C1QTNF6: variants seen among roughly 807,000 people sequenced by gnomAD.
C1QTNF6 encodes C1q and TNF related 6.
C1QTNF6 carries 17 observed loss-of-function variants against 20.7 expected under a neutral mutation model. The ratio of observed to expected loss-of-function variants is 0.82; its 90% confidence interval spans 0.56 to 1.23. The LOEUF (loss-of-function observed/expected upper bound fraction) is 1.23, where lower values mean the gene tolerates loss of function less well. Ranked by LOEUF, C1QTNF6 falls within the 50% of genes most tolerant of loss-of-function variation. C1QTNF6 has a pLI of 0.00. For synonymous variants in C1QTNF6, 130 were observed against 156.3 expected (o/e 0.83, Z 1.25); for missense variants, 329 against 389.7 (o/e 0.84, Z 1.31).
intron 1 of C1QTNF6, among the ~76,000 whole-genome samples, chr22:37,187,034 A>G (rs1924412318): frequency 1.3e-5 from 2 of 152,162 alleles, no homozygotes; most frequent in Non-Finnish European, 2.9e-5. Flanking sequence ...TGGGCAACAT[A>G]GTGAGACCCT....
upstream of C1QTNF6, chr22:37,188,283 A>AGGAGGGAGAGGGGAGGGGAT: frequency 8.7e-7 from 1 of 1,153,062 alleles, no homozygotes; most frequent in Non-Finnish European, 1.2e-6. Context: ...GGCCCAGCAG[A>AGGAGGGAGAGGGGAGGGGAT]GGAGGGAGAG....
Position 37,182,458 on chromosome 22 carries a change from G to A in C1QTNF6, c.567C>T (p.Gly189=), listed in dbSNP as rs752500677. ...GCACATTGAGGCTGAAGAAGTAGATGCCACGCAGGGGAGCAGCAAACTGGC... is the reference window on the plus strand; with the variant it reads ...GCACATTGAGGCTGAAGAAGTAGATACCACGCAGGGGAGCAGCAAACTGGC... ...ATGQFAAPLR[G]IYFFSLNVHS... The change falls in exon 3 of 3, where the codon GGC becomes GGT. Residue 189 remains glycine, a synonymous_variant. Transcript: ENST00000337843. The A allele has an allele frequency of 6.2e-7, 1 of 1,614,272 alleles. No homozygotes were observed. Among genetic ancestry groups the A allele is most frequent in the East Asian group, 2.2e-5 (1 of 44,890 alleles).
At chr22:37,194,590 T>G (rs1223612462) in intron 2 of C1QTNF6, among the ~76,000 whole-genome samples, 1 of 152,218 alleles carries the variant, frequency 6.6e-6, no homozygotes, top group Non-Finnish European at 1.5e-5. Flanking sequence ...GAAAATCGTC[T>G]TTTTCCATTT....
At chr22:37,190,029 C>T (rs891230729), upstream of C1QTNF6, among the ~76,000 whole-genome samples, 1 of 152,200 alleles carries the variant, frequency 6.6e-6, no homozygotes, top group Non-Finnish European at 1.5e-5. Flanking sequence ...TTATCCATCC[C>T]TCTTGTTTCT....
chr22:37,189,836 G>A (rs1018380332), upstream of C1QTNF6, among the ~76,000 whole-genome samples: 1 of 152,154 alleles, frequency 6.6e-6, no homozygotes, highest in Non-Finnish European at 1.5e-5. Flanking sequence ...AAATAAGAAG[G>A]CTTTCCATGA....
chr22:37,182,106 C>T lies in C1QTNF6; in HGVS notation c.*82G>A. On this transcript the variant is annotated 3_prime_UTR_variant, in exon 3 of 3. Transcript: ENST00000337843. ...CCCGGGGACCTCCCTGGCCTTCCTGCTTCACAGCAGTGCAAACTGAGCCCT... is the reference window on the plus strand; with the variant it reads ...CCCGGGGACCTCCCTGGCCTTCCTGTTTCACAGCAGTGCAAACTGAGCCCT... 6.8e-7 allele frequency: 1 copy of T among 1,461,658 alleles called. No homozygotes were observed. Among genetic ancestry groups the T allele is most frequent in the Admixed American group, 2.3e-5 (1 of 44,196 alleles). The allele number at this position is 1,461,658 out of a possible 1,614,324, so 90.5% of individuals were successfully genotyped here.
chr22:37,197,274 GGCT>G (rs1925194003), intron 1 of C1QTNF6: 1 of 152,292 alleles, frequency 6.6e-6, no homozygotes, highest in South Asian at 2.1e-4. Flanking sequence ...GCAGAGCCAG[GGCT>G]GCAGAGGGAG....
chr22:37,183,496 G>T (rs1923985219), intron 2 of C1QTNF6, among the ~76,000 whole-genome samples: 1 of 152,254 alleles, frequency 6.6e-6, no homozygotes. Context: ...CCTTAGTCCA[G>T]GCTGACTTTC....
At chr22:37,189,904 G>A (rs1162986629), upstream of C1QTNF6, among the ~76,000 whole-genome samples, 2 of 152,206 alleles carry the variant, frequency 1.3e-5, no homozygotes, top group African/African-American at 4.8e-5. Flanking sequence ...CTACTGGGCT[G>A]CATTCCCAGG....
upstream of C1QTNF6, chr22:37,191,576 T>G (rs550262621): frequency 6.6e-6 from 1 of 152,266 alleles, no homozygotes; most frequent in South Asian, 2.1e-4. Context: ...TTAAAACATT[T>G]GATACTACAA....
upstream of C1QTNF6, among the ~76,000 whole-genome samples, chr22:37,188,858 G>C (rs1370619561): frequency 2.6e-5 from 4 of 152,248 alleles, no homozygotes; most frequent in Admixed American, 2.6e-4. Context: ...GAGGGGTACT[G>C]ATCAGACCCC....
upstream of C1QTNF6, chr22:37,188,522 G>C (rs540800069): frequency 3.5e-6 from 1 of 288,112 alleles, no homozygotes; most frequent in South Asian, 9.2e-5. Flanking sequence ...CTGATGATTG[G>C]GAAATGGACA....
At position 37,185,392 on chromosome 22, in the gene C1QTNF6, A is replaced by G. The variant is rs1048005051; in HGVS notation, c.115T>C (p.Cys39Arg). Residue 39 changes from cysteine to arginine, a missense_variant, in exon 2 of 3, where the codon TGT becomes CGT. By Grantham distance (180) the Cys-to-Arg change is radical. Coordinates refer to ENST00000337843, the MANE Select transcript of C1QTNF6 (RefSeq NM_031910.4). Reference protein sequence around the residue: ...WAALLLFLLMCEIPMVELTFD... With the variant: ...WAALLLFLLMREIPMVELTFD... ...GTGAGCTCCACCATAGGGATCTCACACATCAGGAGAAAGAGCAGGAGCGCT... is the reference window on the plus strand; with the variant it reads ...GTGAGCTCCACCATAGGGATCTCACGCATCAGGAGAAAGAGCAGGAGCGCT... 15 of 1,613,302 alleles carry G rather than the reference A, an allele frequency of 9.3e-6. No homozygotes were observed. The highest frequency in any genetic ancestry group is 1.3e-5 in the Non-Finnish European group (15 of 1,179,772).
Position 37,188,204 on chromosome 22 carries a change from G to A in C1QTNF6, c.10C>T (p.Leu4Phe). 6.2e-7 allele frequency: 1 copy of A among 1,608,882 alleles called. No individual in the cohort carries two copies. Among genetic ancestry groups the A allele is most frequent in the Non-Finnish European group, 8.5e-7 (1 of 1,177,574 alleles). MQW[L>F]RVRESPGEAT... ...TCCCCAGGCGACTCACGGACCCTGAGCCACTGCATGGCCTCTGGCTCCTTG... is the reference window on the plus strand; with the variant it reads ...TCCCCAGGCGACTCACGGACCCTGAACCACTGCATGGCCTCTGGCTCCTTG... Residue 4 changes from leucine to phenylalanine, a missense_variant, in exon 1 of 3, where the codon CTC (leucine) becomes TTC (phenylalanine). Transcript: ENST00000337843.
intron 2 of C1QTNF6, among the ~76,000 whole-genome samples, chr22:37,194,207 C>T (rs1925000204): frequency 3.3e-5 from 5 of 152,168 alleles, no homozygotes; most frequent in South Asian, 4.1e-4. Flanking sequence ...TTGTAACTGA[C>T]GAGTTTGCTG....
At chr22:37,198,640 G>A (rs987184675), upstream of C1QTNF6, among the ~76,000 whole-genome samples, 4 of 152,222 alleles carry the variant, frequency 2.6e-5, no homozygotes, top group Admixed American at 2.6e-4. Flanking sequence ...AGCGCCTCCT[G>A]CTGGGCAGAG....
chr22:37,182,013 A>C lies in C1QTNF6; in HGVS notation c.*175T>G. 1.5e-6 allele frequency: 1 copy of C among 668,776 alleles called. No individual in the cohort carries two copies. Among genetic ancestry groups the C allele is most frequent in the Non-Finnish European group, 2.5e-6 (1 of 403,214 alleles). 41.4% of individuals were successfully genotyped at this position (668,776 alleles called of 1,614,324 possible). A position where few individuals can be genotyped will look rare whatever the true frequency, so the allele number is the denominator to read the frequency against. ...AAATAGGTCCAAGAGAGAAGAGAGGAGCAGAAATAGGCTGGGAGGGATGAT... is the reference window on the plus strand; with the variant it reads ...AAATAGGTCCAAGAGAGAAGAGAGGCGCAGAAATAGGCTGGGAGGGATGAT... On this transcript the variant is annotated 3_prime_UTR_variant, in exon 3 of 3. Coordinates refer to ENST00000337843, the MANE Select transcript of C1QTNF6 (RefSeq NM_031910.4).
chr22:37,190,421 T>C (rs1924741172), upstream of C1QTNF6: 1 of 152,162 alleles, frequency 6.6e-6, no homozygotes, highest in Admixed American at 6.5e-5. Flanking sequence ...CCTGTATGAG[T>C]TAGATAAATT....
At chr22:37,185,615 C>T in intron 1 of C1QTNF6, 160 bp from the exon 2 acceptor site, 6 of 1,352,894 alleles carry the variant, frequency 4.4e-6, no homozygotes, top group Middle Eastern at 2.6e-4. Context: ...AAGACTGAGA[C>T]CTCCACAGAG....
Sources: gnomAD v4.1 joint callset for allele counts (sites outside exome capture counted in the v4.1 genomes callset) on GRCh38, gnomAD v4.1.1 for gene constraint, MANE v1.5 for transcripts, NCBI Gene and HGNC (gene_info 2026-07-23, HGNC 2026-07-21) for gene names.